Variants in RP1 observed in about 807,000 individuals in gnomAD.
The protein encoded by RP1 is oxygen-regulated protein 1.
A neutral mutation model predicts 14.8 loss-of-function variants in RP1; 16 were observed. That is an observed-to-expected ratio of 1.08 (90% CI 0.73 to 1.65). RP1 has a LOEUF of 1.65. RP1 is among the 40% of genes most tolerant of loss of function. The pLI, the probability that RP1 is intolerant of heterozygous loss-of-function variation, is 0.00. For missense variants in RP1, 2,631 were observed against 2,535.0 expected, an observed-to-expected ratio of 1.04 and a Z score of -0.81; for synonymous variants, 876 against 883.6, an observed-to-expected ratio of 0.99 and a Z score of 0.15.
chr8:54,562,144 G>A (rs1190345407), intron 1 of RP1, among the ~76,000 whole-genome samples: 1 of 152,128 alleles, frequency 6.6e-6, no homozygotes, highest in African/African-American at 2.4e-5. Context: ...AAACTCAGCA[G>A]CTTTGCTATT....
intron 22 of RP1, among the ~76,000 whole-genome samples, chr8:54,760,097 A>G (rs1809602782): frequency 6.6e-6 from 1 of 152,230 alleles, no homozygotes; most frequent in South Asian, 2.1e-4. Context: ...TGCCACTAAA[A>G]CCTGCAAACA....
chr8:54,840,641 G>C (rs1460447129), intron 25 of RP1, among the ~76,000 whole-genome samples: 1 of 134,094 alleles, frequency 7.5e-6, no homozygotes, highest in African/African-American at 2.8e-5. Context: ...TTTTTAATTT[G>C]AGGTCCAAGA....
rs183817692 is a variant in RP1, at chr8:54,638,894, C to G, written c.788-10091C>G. 4.4e-5 allele frequency among the ~76,000 whole-genome samples: 5 copies of G among 113,638 alleles called. No homozygotes were observed. The East Asian group carries it at 9.8e-4, about 22-fold the overall frequency. The allele number at this position is 113,638 out of a possible 152,430, so 74.6% of individuals were successfully genotyped here. A position where few individuals can be genotyped will look rare whatever the true frequency, so the allele number is the denominator to read the frequency against. On this transcript the variant is annotated intron_variant, in intron 3 of 22. Coordinates refer to the RP1 transcript ENST00000636932. The stretch of plus-strand genomic sequence containing the variant: ...TTTTAATTTTCTTCTCTCTCTCTCT[C>G]TCTCTCTCTCTCTCGGTCTCTCTCA...
intron 1 of RP1, among the ~76,000 whole-genome samples, chr8:54,583,565 A>G (rs1804847954): frequency 1.3e-5 from 2 of 152,236 alleles, no homozygotes; most frequent in Admixed American, 6.5e-5. Flanking sequence ...GAATAGTTTC[A>G]GAAGGAATGG....
chr8:54,678,570 A>C, intron 9 of RP1: 2 of 1,505,374 alleles, frequency 1.3e-6, no homozygotes, highest in Admixed American at 2.0e-5. Flanking sequence ...GAAAAAATCC[A>C]TTTCATGTTA....
At chr8:54,721,406 C>T (rs1193940731) in intron 16 of RP1, among the ~76,000 whole-genome samples, 1 of 152,106 alleles carries the variant, frequency 6.6e-6, no homozygotes, top group African/African-American at 2.4e-5. Context: ...AGAAAAAGAG[C>T]AGTGGGAAAT....
At chr8:54,722,683 T>C (rs1640065369) in intron 16 of RP1, among the ~76,000 whole-genome samples, 1 of 152,108 alleles carries the variant, frequency 6.6e-6, no homozygotes, top group Non-Finnish European at 1.5e-5. Context: ...GCTGAAACTT[T>C]TTTTTTCAGC....
chr8:54,744,677 A>G (rs1174531509), intron 19 of RP1, among the ~76,000 whole-genome samples: 3 of 152,114 alleles, frequency 2.0e-5, no homozygotes, highest in Non-Finnish European at 4.4e-5. Context: ...TGATAATTAA[A>G]CTCCAGTCAT....
rs535971090 is a variant in RP1 at position 54,688,475 on chromosome 8, G to A, written c.1717+8542G>A. ...AACATTTAAGTCTTTAATCCATCTC[G>A]AATTAATTTTTGTATAAGGTGTAAG... is the stretch of plus-strand genomic sequence containing the variant. On this transcript the variant is annotated intron_variant, in intron 12 of 22. Transcript: ENST00000636932. Among the ~76,000 whole-genome samples, 6 of 152,156 alleles carry A rather than the reference G, an allele frequency of 3.9e-5. No homozygotes were observed. The East Asian group carries it at 5.8e-4, about 15-fold the overall frequency.
chr8:54,624,933 A>T lies in RP1; in HGVS notation c.1051A>T (p.Thr351Ser). The T allele has an allele frequency of 6.2e-7, 1 of 1,614,184 alleles. No homozygotes were observed. ...AGAGGAAGAAACCATAAAATGGACA[A>T]CTACTGTCAGTAAAACTGGTCCTTC... is the stretch of plus-strand genomic sequence containing the variant. Reference protein sequence around the residue: ...IKEEETIKWTTTVSKTGPSNN... With the variant: ...IKEEETIKWTSTVSKTGPSNN... The change falls in exon 4 of 4, where the codon ACT (threonine) becomes TCT (serine). Residue 351 changes from threonine to serine, a missense_variant. Transcript: ENST00000220676.
In RP1 at chr8:54,628,917, T is replaced by A; in HGVS notation, c.5035T>A (p.Ser1679Thr). 2 of 1,614,084 alleles carry A rather than the reference T, an allele frequency of 1.2e-6. No individual in the cohort carries two copies. The highest frequency in any genetic ancestry group is 1.7e-6 in the Non-Finnish European group (2 of 1,179,962). ...AAGTCTTTATGATTCTGAAGGGCAG[T>A]CATTTGGCTCTTCTGAACAGGTATC... ...KASLYDSEGQ[S>T]FGSSEQVSSS... Residue 1679 changes from serine (S) to threonine (T), a missense_variant, in exon 4 of 4, where the codon TCA becomes ACA. Ser to Thr is a moderately conservative substitution (Grantham distance 58). Transcript: ENST00000220676.
At chr8:54,804,245 T>C (rs1208074291) in intron 24 of RP1, among the ~76,000 whole-genome samples, 3 of 152,046 alleles carry the variant, frequency 2.0e-5, no homozygotes, top group Non-Finnish European at 4.4e-5. Flanking sequence ...TTTTATATAA[T>C]TAAAAAAATT....
intron 25 of RP1, among the ~76,000 whole-genome samples, chr8:54,843,123 C>G (rs752294460): frequency 3.1e-4 from 47 of 152,330 alleles, no homozygotes; most frequent in Admixed American, 5.9e-4. Flanking sequence ...TTCAGCTCCA[C>G]TCTCTGGGTT....
chr8:54,784,999 A>G (rs776711311), intron 24 of RP1, among the ~76,000 whole-genome samples: 1 of 152,064 alleles, frequency 6.6e-6, no homozygotes, highest in Non-Finnish European at 1.5e-5. Context: ...TGATGCTCCA[A>G]TACATACATA....
intron 6 of RP1, among the ~76,000 whole-genome samples, chr8:54,662,530 C>G (rs1563340927): frequency 6.6e-6 from 1 of 152,104 alleles, no homozygotes; most frequent in Admixed American, 6.6e-5. Context: ...GCTCTTCTTC[C>G]TAGGCACAAG....
chr8:54,661,674 C>A (rs968436471), intron 6 of RP1, among the ~76,000 whole-genome samples: 7 of 152,030 alleles, frequency 4.6e-5, no homozygotes, highest in Non-Finnish European at 8.8e-5. Flanking sequence ...AGTGCAGAAC[C>A]GTGTTTGAAT....
intron 1 of RP1, among the ~76,000 whole-genome samples, chr8:54,618,288 G>A (rs1337607136): frequency 4.6e-5 from 7 of 152,112 alleles, no homozygotes; most frequent in Admixed American, 4.6e-4. Flanking sequence ...AGGGACAATG[G>A]CAGCTGCTTC....
intron 11 of RP1, chr8:54,679,728 G>A: frequency 1.3e-6 from 2 of 1,522,508 alleles, no homozygotes; most frequent in Admixed American, 2.0e-5. Context: ...AGTAAGTGCT[G>A]TTTCTTAGCA....
At chr8:54,779,000 G>A (rs866242007) in intron 23 of RP1, among the ~76,000 whole-genome samples, 15 of 152,148 alleles carry the variant, frequency 9.9e-5, no homozygotes, top group South Asian at 4.1e-4. Context: ...CTCTCACAGG[G>A]CTTTTTTGGA....
Sources: allele counts gnomAD v4.1 joint callset (sites outside exome capture counted in the v4.1 genomes callset), GRCh38; gene constraint gnomAD v4.1.1; transcripts MANE v1.5; gene names NCBI Gene and HGNC (gene_info 2026-07-23, HGNC 2026-07-21).